GALNT13: variants seen among roughly 807,000 people sequenced by gnomAD.
GALNT13 encodes the protein UDP-GalNAc:polypeptide N-acetylgalactosaminyltransferase 13.
GALNT13 carries 28 observed loss-of-function variants against 64.2 expected under a neutral mutation model. That is an observed-to-expected ratio of 0.44 (90% CI 0.32 to 0.60). The LOEUF is 0.60. GALNT13 is among the 20% of genes least tolerant of loss of function. The probability of loss-of-function intolerance (pLI) is 0.05; values close to 1 mark genes in which losing one functional copy is unlikely to be tolerated. For missense variants in GALNT13, 577 were observed against 669.8 expected (o/e 0.86, Z 1.53); for synonymous variants, 214 against 224.6 (o/e 0.95, Z 0.42).
the GALNT13 span, among the ~76,000 whole-genome samples, chr2:153,131,074 A>T: frequency 6.6e-6 from 1 of 152,200 alleles, no homozygotes; most frequent in African/African-American, 2.4e-5. Context: ...CTCTTATGGT[A>T]CAGGTATTCT....
chr2:153,691,899 C>T, the GALNT13 span, among the ~76,000 whole-genome samples: 14 of 152,042 alleles, frequency 9.2e-5, no homozygotes, highest in African/African-American at 3.4e-4. Context: ...GAAATCCGTA[C>T]TGATATTCTT....
At chr2:153,355,002 A>G in the GALNT13 span, among the ~76,000 whole-genome samples, 1 of 152,206 alleles carries the variant, frequency 6.6e-6, no homozygotes, top group Non-Finnish European at 1.5e-5. Context: ...GTTCAAATAT[A>G]TTGGATTTCT....
intron 1 of GALNT13, among the ~76,000 whole-genome samples, chr2:153,875,563 G>A (rs1277231812): frequency 3.3e-5 from 5 of 152,118 alleles, no homozygotes; most frequent in Non-Finnish European, 7.4e-5. Context: ...AGTTGTAACA[G>A]GAGCATTTTC....
chr2:153,170,464 A>G, the GALNT13 span, among the ~76,000 whole-genome samples: 1 of 152,224 alleles, frequency 6.6e-6, no homozygotes, highest in Non-Finnish European at 1.5e-5. Context: ...AAATGTATAT[A>G]TGGATATGTA....
the GALNT13 span, among the ~76,000 whole-genome samples, chr2:153,209,868 A>G: frequency 6.6e-6 from 1 of 152,248 alleles, no homozygotes; most frequent in East Asian, 1.9e-4. Context: ...TAATTTTAGG[A>G]GGACAAGTTT....
chr2:153,240,443 G>A, the GALNT13 span, among the ~76,000 whole-genome samples: 3,711 of 152,128 alleles, frequency 0.024, 64 homozygotes, highest in South Asian at 0.07. Context: ...GATTGCTCTT[G>A]TGGCTACCTG....
the GALNT13 span, among the ~76,000 whole-genome samples, chr2:153,090,449 T>C: frequency 2.0e-5 from 3 of 151,938 alleles, no homozygotes; most frequent in African/African-American, 4.8e-5. Flanking sequence ...GAAGTTGTCA[T>C]GTGTACACAC....
At chr2:153,268,565 C>T in the GALNT13 span, among the ~76,000 whole-genome samples, 8 of 152,144 alleles carry the variant, frequency 5.3e-5, no homozygotes, top group African/African-American at 1.7e-4. Context: ...AGGAAAGTGG[C>T]CCTCTTTTTA....
chr2:153,922,159 T>G (rs577420784), intron 2 of GALNT13, among the ~76,000 whole-genome samples: 1 of 152,238 alleles, frequency 6.6e-6, no homozygotes, highest in African/African-American at 2.4e-5. Context: ...TGAATGGATG[T>G]GGGAAATCAG....
At chr2:154,115,588 T>C (rs1299354059) in intron 3 of GALNT13, among the ~76,000 whole-genome samples, 2 of 152,100 alleles carry the variant, frequency 1.3e-5, no homozygotes, top group Non-Finnish European at 2.9e-5. Context: ...ACATGGCTAC[T>C]TTTTGTATTT....
chr2:153,837,018 T>C, the GALNT13 span, among the ~76,000 whole-genome samples: 2 of 151,488 alleles, frequency 1.3e-5, no homozygotes, highest in African/African-American at 4.8e-5. Context: ...TTTGGGTATA[T>C]ACCCAGTAAT....
At chr2:153,161,930 A>AG in the GALNT13 span, among the ~76,000 whole-genome samples, 2 of 152,342 alleles carry the variant, frequency 1.3e-5, no homozygotes, top group South Asian at 4.1e-4. Flanking sequence ...AGGCAGAAAG[A>AG]GAAGGGTTCA....
chr2:153,165,921 G>T, the GALNT13 span, among the ~76,000 whole-genome samples: 1 of 152,146 alleles, frequency 6.6e-6, no homozygotes, highest in African/African-American at 2.4e-5. Flanking sequence ...CAGCCTCAGG[G>T]CAGGGGAAAT....
chr2:154,188,530 G>A (rs1686389102), intron 4 of GALNT13, among the ~76,000 whole-genome samples: 1 of 152,116 alleles, frequency 6.6e-6, no homozygotes, highest in Non-Finnish European at 1.5e-5. Flanking sequence ...CTATGATTGT[G>A]AGCCTAGCAA....
chr2:153,252,278 A>G, the GALNT13 span, among the ~76,000 whole-genome samples: 1 of 114,064 alleles, frequency 8.8e-6, no homozygotes, highest in African/African-American at 3.9e-5. Flanking sequence ...TCTTTTGAGA[A>G]GTGTCTGTTC....
the GALNT13 span, among the ~76,000 whole-genome samples, chr2:153,431,203 G>A: frequency 2.0e-5 from 3 of 150,794 alleles, no homozygotes; most frequent in African/African-American, 7.3e-5. Context: ...TATTTTACTA[G>A]GACAATTTTT....
At chr2:153,886,971 A>T (rs1476126490) in intron 1 of GALNT13, among the ~76,000 whole-genome samples, 2 of 152,030 alleles carry the variant, frequency 1.3e-5, no homozygotes, top group African/African-American at 4.8e-5. Flanking sequence ...TAGTTTAAAA[A>T]TTCTTATATC....
intron 4 of GALNT13, among the ~76,000 whole-genome samples, chr2:154,235,741 A>G (rs1689159365): frequency 6.6e-6 from 1 of 152,174 alleles, no homozygotes. Flanking sequence ...TATCTAAATC[A>G]CTGTGTAATC....
At chr2:153,083,529 T>A in the GALNT13 span, among the ~76,000 whole-genome samples, 2 of 152,194 alleles carry the variant, frequency 1.3e-5, no homozygotes, top group African/African-American at 4.8e-5. Flanking sequence ...GTTGGCCATT[T>A]GTATAGCTTC....
Sources: gnomAD v4.1 joint callset for allele counts (sites outside exome capture counted in the v4.1 genomes callset) on GRCh38, gnomAD v4.1.1 for gene constraint, MANE v1.5 for transcripts, NCBI Gene and HGNC (gene_info 2026-07-23, HGNC 2026-07-21) for gene names.